GRIN2A: variants seen among roughly 807,000 people sequenced by gnomAD.
GRIN2A encodes the protein glutamate receptor ionotropic, NMDA 2A.
A neutral mutation model predicts 113.4 loss-of-function variants in GRIN2A; 22 were observed. The ratio of observed to expected loss-of-function variants is 0.19; its 90% CI spans 0.14 to 0.28. The LOEUF (loss-of-function observed/expected upper bound fraction) is 0.28, where lower values mean the gene tolerates loss of function less well. Ranked by LOEUF, GRIN2A falls within the 10% of genes least tolerant of loss-of-function variation. GRIN2A has a pLI of 1.00. For synonymous variants in GRIN2A, 827 were observed against 738.4 expected (o/e 1.12, Z -1.94); for missense variants, 1,502 against 1,887.0 (o/e 0.80, Z 3.78).
chr16:9,888,969 T>C (rs1222637379), intron 4 of GRIN2A, among the ~76,000 whole-genome samples: 1 of 152,136 alleles, frequency 6.6e-6, no homozygotes, highest in Non-Finnish European at 1.5e-5. Flanking sequence ...TGATGTATTA[T>C]CCTTTTTAAA....
chr16:10,169,894 A>G (rs1275708373), intron 2 of GRIN2A, among the ~76,000 whole-genome samples: 1 of 152,174 alleles, frequency 6.6e-6, no homozygotes, highest in Non-Finnish European at 1.5e-5. Flanking sequence ...GCCTCCACAT[A>G]TATTTCTAGA....
rs1024589184 is a variant in GRIN2A at position 9,886,517 on chromosome 16, T to G, written c.1122+4469A>C. ...TTAAAACCAAGGACAGTTAACTAGA[T>G]GCTAACACTTTCCTTAAGCATGACA... On this transcript the variant is annotated intron_variant, in intron 4 of 12. Transcript: ENST00000330684. Among the ~76,000 whole-genome samples the G allele has an allele frequency of 8.5e-4, 129 of 152,276 alleles. 1 individual carries two copies. Among genetic ancestry groups the G allele is most frequent in the African/African-American group, 2.9e-3 (120 of 41,550 alleles).
At chr16:10,132,964 C>T (rs1437275116) in intron 2 of GRIN2A, among the ~76,000 whole-genome samples, 1 of 152,152 alleles carries the variant, frequency 6.6e-6, no homozygotes, top group Non-Finnish European at 1.5e-5. Context: ...TTTGTAGAGT[C>T]TGCCCACATT....
rs1388817336 is a variant in GRIN2A, at chr16:9,980,832, C to T, written c.415-42281G>A. Among the ~76,000 whole-genome samples the T allele has an allele frequency of 8.9e-4, 86 of 96,162 alleles. 1 individual carries two copies. The highest frequency in any genetic ancestry group is 1.0e-3 in the Non-Finnish European group (55 of 53,252). 63.1% of individuals were successfully genotyped at this position (96,162 alleles called of 152,430 possible). On this transcript the variant is annotated intron_variant, in intron 2 of 12. Coordinates refer to ENST00000330684, the MANE Select transcript of GRIN2A (RefSeq NM_001134407.3). ...GAAGGGGAACATCACACACCAGGGACTGTTGTGGGGTGGGGGGAGGGGGGA... is the reference window on the plus strand; with the variant it reads ...GAAGGGGAACATCACACACCAGGGATTGTTGTGGGGTGGGGGGAGGGGGGA...
intron 4 of GRIN2A, among the ~76,000 whole-genome samples, chr16:9,854,463 G>C (rs11864073): frequency 1.3e-5 from 2 of 152,098 alleles, no homozygotes; most frequent in African/African-American, 4.8e-5. Flanking sequence ...CCTCAGTTTC[G>C]ACTGTCATAT....
intron 4 of GRIN2A, among the ~76,000 whole-genome samples, chr16:9,890,704 C>A (rs1449764570): frequency 6.6e-6 from 1 of 152,220 alleles, no homozygotes; most frequent in Non-Finnish European, 1.5e-5. Context: ...GCAACCCAGA[C>A]TTCACTGTCT....
chr16:9,854,311 G>C (rs932706679), intron 4 of GRIN2A, among the ~76,000 whole-genome samples: 3 of 151,850 alleles, frequency 2.0e-5, no homozygotes, highest in East Asian at 1.9e-4. Context: ...GAGCCATTGA[G>C]GGTGGCCGTC....
chr16:10,029,900 G>C (rs1306789304), intron 2 of GRIN2A, among the ~76,000 whole-genome samples: 1 of 152,178 alleles, frequency 6.6e-6, no homozygotes, highest in African/African-American at 2.4e-5. Flanking sequence ...AGGAGGCTGA[G>C]ACAGGAGAAT....
chr16:9,893,094 A>C (rs928205893), intron 3 of GRIN2A, among the ~76,000 whole-genome samples: 7 of 152,168 alleles, frequency 4.6e-5, no homozygotes, highest in African/African-American at 9.7e-5. Context: ...GTTTCCAAGG[A>C]CAAAGTGAAG....
At chr16:9,798,958 TATAGA>T (rs1337037186) in intron 10 of GRIN2A, among the ~76,000 whole-genome samples, 2 of 152,234 alleles carry the variant, frequency 1.3e-5, no homozygotes, top group Non-Finnish European at 2.9e-5. Flanking sequence ...ATCCAAATAA[TATAGA>T]AAAGTATTAA....
intron 2 of GRIN2A, among the ~76,000 whole-genome samples, chr16:10,044,880 T>C (rs548424589): frequency 1.3e-5 from 2 of 152,186 alleles, no homozygotes; most frequent in South Asian, 4.2e-4. Context: ...AGGCGAGCAT[T>C]CAAATATTTG....
At chr16:9,786,391 G>A (rs998101694) in intron 11 of GRIN2A, among the ~76,000 whole-genome samples, 2 of 152,086 alleles carry the variant, frequency 1.3e-5, no homozygotes, top group Non-Finnish European at 2.9e-5. Flanking sequence ...CTGCTCCCAC[G>A]GTGCTGGGGC....
intron 2 of GRIN2A, among the ~76,000 whole-genome samples, chr16:10,142,740 C>A (rs1039143238): frequency 1.3e-5 from 2 of 152,114 alleles, no homozygotes; most frequent in African/African-American, 4.8e-5. Context: ...GACACCCTAA[C>A]CCTCTCCCAT....
chr16:9,958,576 C>T lies in GRIN2A; in HGVS notation c.415-20025G>A, dbSNP rs553842052. On this transcript the variant is annotated intron_variant, in intron 2 of 12. Transcript: ENST00000330684. ...TTAAGTAGATTCTGAAGCAAATAGT[C>T]TGCAAATTGGTACTAGGACAGACCC... is the stretch of plus-strand genomic sequence containing the variant. Among the ~76,000 whole-genome samples the T allele has an allele frequency of 4.7e-4, 71 of 152,214 alleles. No individual in the cohort carries two copies. The South Asian group carries it at 0.011, about 23-fold the overall frequency.
intron 2 of GRIN2A, among the ~76,000 whole-genome samples, chr16:10,024,526 G>A (rs766313182): frequency 5.3e-5 from 8 of 152,166 alleles, no homozygotes; most frequent in African/African-American, 9.7e-5. Context: ...CCAATGTCAC[G>A]CACAGTTTTA....
intron 11 of GRIN2A, among the ~76,000 whole-genome samples, chr16:9,795,833 A>G (rs1432065609): frequency 2.6e-5 from 4 of 152,226 alleles, no homozygotes; most frequent in African/African-American, 9.6e-5. Context: ...ATGTGCACTA[A>G]ATTACTCCTT....
intron 2 of GRIN2A, among the ~76,000 whole-genome samples, chr16:10,053,574 T>C (rs1034509958): frequency 1.3e-5 from 2 of 152,112 alleles, no homozygotes; most frequent in African/African-American, 4.8e-5. Flanking sequence ...GGTGACAAGT[T>C]CATAGGAGTT....
At chr16:9,972,476 G>A (rs550406238) in intron 2 of GRIN2A, among the ~76,000 whole-genome samples, 6 of 152,114 alleles carry the variant, frequency 3.9e-5, no homozygotes, top group Non-Finnish European at 7.4e-5. Context: ...ATATGATCCA[G>A]GTGTTAAAGC....
chr16:10,122,462 C>G (rs1247461141), intron 2 of GRIN2A, among the ~76,000 whole-genome samples: 1 of 152,076 alleles, frequency 6.6e-6, no homozygotes, highest in Non-Finnish European at 1.5e-5. Context: ...TATTTTCTCC[C>G]AAATCCTGTA....
Sources: allele counts gnomAD v4.1 joint callset (sites outside exome capture counted in the v4.1 genomes callset), GRCh38; gene constraint gnomAD v4.1.1; transcripts MANE v1.5; gene names NCBI Gene and HGNC (gene_info 2026-07-23, HGNC 2026-07-21).